The following MRPS28 variants were observed in gnomAD, a reference collection of about 807,000 sequenced individuals.
The protein encoded by MRPS28 is mitochondrial ribosomal protein S28.
MRPS28 carries 7 observed loss-of-function variants against 10.8 expected under a neutral mutation model. The ratio of observed to expected loss-of-function variants is 0.65; its 90% CI spans 0.37 to 1.22. The LOEUF is 1.22. MRPS28 is among the 50% of genes most tolerant of loss of function. MRPS28 has a pLI of 0.02. For synonymous variants in MRPS28, 121 were observed against 93.3 expected, an observed-to-expected ratio of 1.30 and a Z score of -1.71; for missense variants, 265 against 232.9, an observed-to-expected ratio of 1.14 and a Z score of -0.90.
chr8:79,965,562 G>A (rs931090331), intron 2 of MRPS28, among the ~76,000 whole-genome samples: 1 of 151,914 alleles, frequency 6.6e-6, no homozygotes, highest in Non-Finnish European at 1.5e-5. Flanking sequence ...AATAGGCTGG[G>A]GCTGACTATA....
At chr8:79,962,280 C>T (rs560920723) in intron 2 of MRPS28, among the ~76,000 whole-genome samples, 23 of 152,136 alleles carry the variant, frequency 1.5e-4, no homozygotes, top group South Asian at 6.2e-4. Flanking sequence ...CCAGAAGCTA[C>T]AGGAGCCCAG....
chr8:79,965,659 T>C (rs1807486585), intron 2 of MRPS28, among the ~76,000 whole-genome samples: 1 of 152,110 alleles, frequency 6.6e-6, no homozygotes, highest in East Asian at 1.9e-4. Context: ...GTTTCACGCT[T>C]ATGAATTTTA....
chr8:79,957,524 A>G (rs1807252919), intron 2 of MRPS28: 1 of 148,374 alleles, frequency 6.7e-6, no homozygotes, highest in South Asian at 2.2e-4. Context: ...AGCTTGAGCA[A>G]CACAGTGAGA....
At chr8:79,951,804 C>T (rs751836649) in intron 2 of MRPS28, among the ~76,000 whole-genome samples, 3 of 152,132 alleles carry the variant, frequency 2.0e-5, no homozygotes, top group Non-Finnish European at 2.9e-5. Flanking sequence ...ACTGCCATCT[C>T]GCAGCCATGA....
chr8:79,920,999 T>C (rs1810077601), intron 2 of MRPS28, among the ~76,000 whole-genome samples: 1 of 152,252 alleles, frequency 6.6e-6, no homozygotes, highest in Non-Finnish European at 1.5e-5. Context: ...GTTTCAGCTT[T>C]CTACATATGG....
intron 1 of MRPS28, among the ~76,000 whole-genome samples, chr8:80,006,231 G>T (rs928392326): frequency 6.6e-6 from 1 of 152,170 alleles, no homozygotes; most frequent in Non-Finnish European, 1.5e-5. Context: ...CCACGTAGTT[G>T]GAAGTAAAGC....
intron 1 of MRPS28, among the ~76,000 whole-genome samples, chr8:80,028,071 T>A (rs1233894775): frequency 6.6e-6 from 1 of 152,234 alleles, no homozygotes; most frequent in African/African-American, 2.4e-5. Flanking sequence ...TTCTGGGGAC[T>A]CTAAAACACC....
At chr8:79,958,250 A>G in intron 2 of MRPS28, 2 of 598,458 alleles carry the variant, frequency 3.3e-6, no homozygotes, top group East Asian at 2.9e-5. Context: ...TATAAATGGA[A>G]TCATACAATA....
chr8:79,988,844 G>T (rs1260019775), intron 2 of MRPS28, among the ~76,000 whole-genome samples: 4 of 152,114 alleles, frequency 2.6e-5, no homozygotes, highest in Non-Finnish European at 5.9e-5. Context: ...TACTTGTCTT[G>T]CTTGACTTCC....
At chr8:79,932,452 G>A (rs1045747344) in intron 2 of MRPS28, among the ~76,000 whole-genome samples, 4 of 152,196 alleles carry the variant, frequency 2.6e-5, no homozygotes, top group East Asian at 1.9e-4. Context: ...GGGTAAAGTC[G>A]GTACGTTCAA....
chr8:79,998,651 G>A lies in MRPS28; in HGVS notation c.395+4348C>T, dbSNP rs188257000. 1.1e-4 allele frequency among the ~76,000 whole-genome samples: 16 copies of A among 152,246 alleles called. No individual in the cohort carries two copies. In the East Asian group the frequency reaches 3.1e-3, roughly 29 times the overall value. ...AATACATAAAACAGATAAATGCAGG[G>A]CTGCTCTGAAAGTAGGGCCCAACTG... On this transcript the variant is annotated intron_variant, in intron 2 of 2. Transcript: ENST00000276585.
chr8:80,013,994 T>C (rs1162386678), intron 1 of MRPS28, among the ~76,000 whole-genome samples: 2 of 151,956 alleles, frequency 1.3e-5, no homozygotes, highest in African/African-American at 4.8e-5. Context: ...AGAGAACAGA[T>C]GGAGAACAAA....
chr8:80,006,964 A>G (rs1808866859), intron 1 of MRPS28, among the ~76,000 whole-genome samples: 1 of 152,174 alleles, frequency 6.6e-6, no homozygotes, highest in Non-Finnish European at 1.5e-5. Flanking sequence ...CAGAGACACA[A>G]CCAAAAAAGA....
rs1270619715 is a variant in MRPS28, at chr8:79,983,479, C to A, written c.395+19520G>T. ...CTTCAGACGATCAAACTACTCCGAG[C>A]TACAGGAGGAAACCCAAACCAAAGG... On this transcript the variant is annotated intron_variant, in intron 2 of 2. Transcript: ENST00000276585. Among the ~76,000 whole-genome samples, 3 of 152,118 alleles carry A rather than the reference C, an allele frequency of 2.0e-5. No homozygotes were observed. The East Asian group carries it at 5.8e-4, about 29-fold the overall frequency.
chr8:80,026,597 A>G (rs1359165043), intron 1 of MRPS28, among the ~76,000 whole-genome samples: 4 of 152,368 alleles, frequency 2.6e-5, no homozygotes, highest in South Asian at 2.1e-4. Context: ...TGGAAATACA[A>G]CAGAATAAGA....
intron 2 of MRPS28, among the ~76,000 whole-genome samples, chr8:79,977,911 A>G (rs1274959872): frequency 2.0e-5 from 3 of 152,056 alleles, no homozygotes; most frequent in Admixed American, 1.3e-4. Flanking sequence ...CATATTTTAT[A>G]TTTATGATAT....
chr8:80,021,523 G>C (rs1809364873), intron 1 of MRPS28, among the ~76,000 whole-genome samples: 1 of 152,202 alleles, frequency 6.6e-6, no homozygotes, highest in Admixed American at 6.5e-5. Context: ...CAGATGCATA[G>C]ACTGGGACCA....
intron 2 of MRPS28, chr8:79,958,128 C>T (rs1807276600): frequency 5.6e-6 from 2 of 356,082 alleles, no homozygotes; most frequent in Non-Finnish European, 1.0e-5. Flanking sequence ...TTCATCACCC[C>T]AAAAAAGAAA....
At chr8:79,932,665 ATTC>A (rs1806492533) in intron 2 of MRPS28, among the ~76,000 whole-genome samples, 6 of 152,200 alleles carry the variant, frequency 3.9e-5, no homozygotes, top group Admixed American at 3.9e-4. Context: ...GTAAGAATGA[ATTC>A]TAAGGGACAA....
Sources: allele counts gnomAD v4.1 joint callset (sites outside exome capture counted in the v4.1 genomes callset), GRCh38; gene constraint gnomAD v4.1.1; transcripts MANE v1.5; gene names NCBI Gene and HGNC (gene_info 2026-07-23, HGNC 2026-07-21).